Variants in SLC12A7 observed in about 807,000 individuals in gnomAD.
SLC12A7 encodes the protein K-Cl cotransporter 4.
In SLC12A7, 100 loss-of-function variants were observed where a neutral mutation model predicts 120.6. That is an observed-to-expected ratio of 0.83 (90% CI 0.71 to 0.98). The LOEUF is 0.98. Ranked by LOEUF, SLC12A7 falls within the 50% of genes least tolerant of loss-of-function variation. The probability of loss-of-function intolerance (pLI) is 0.00; values close to 1 mark genes in which losing one functional copy is unlikely to be tolerated. For synonymous variants in SLC12A7, 760 were observed against 678.0 expected (o/e 1.12, Z -1.88); for missense variants, 1,373 against 1,548.1 (o/e 0.89, Z 1.90).
rs777593952 is a variant in SLC12A7, at chr5:1,057,622, C to T, written c.2875G>A (p.Ala959Thr). 6.9e-6 allele frequency: 11 copies of T among 1,603,204 alleles called. No homozygotes were observed. Among genetic ancestry groups the T allele is most frequent in the East Asian group, 4.5e-5 (2 of 44,854 alleles). The change falls in exon 22 of 24, where the codon GCG becomes ACG. Residue 959 changes from alanine (A) to threonine (T), a missense_variant. By Grantham distance (58) the Ala-to-Thr change is moderately conservative. Transcript: ENST00000264930. ...CTGGCTGCCGCCGCGGTGTGGGACG[C>T]GGTGTTCCTGTCGTGGATCAGCTGG... ...EAQLIHDRNT[A>T]SHTAAAARTQ...
chr5:1,059,918 G>A (rs576277355), intron 21 of SLC12A7, among the ~76,000 whole-genome samples: 35 of 152,346 alleles, frequency 2.3e-4, no homozygotes, highest in African/African-American at 7.5e-4. Flanking sequence ...GTGAGACAAA[G>A]CAGCCATCGT....
At chr5:1,087,608 G>C (rs1446488419) in intron 5 of SLC12A7, among the ~76,000 whole-genome samples, 1 of 152,218 alleles carries the variant, frequency 6.6e-6, no homozygotes, top group Non-Finnish European at 1.5e-5. Context: ...CCCTGGTGAA[G>C]GCCCTCGTGC....
At position 1,083,776 on chromosome 5, in the gene SLC12A7, G is replaced by A. The variant is rs144259696; in HGVS notation, c.1098C>T (p.Gly366=). The A allele has an allele frequency of 1.9e-6, 3 of 1,612,698 alleles. No individual in the cohort carries two copies. The highest frequency in any genetic ancestry group is 2.5e-6 in the Non-Finnish European group (3 of 1,179,844). The change falls in exon 8 of 24, where the codon GGC becomes GGT. Residue 366 remains glycine (G), a synonymous_variant. Coordinates refer to ENST00000264930, the MANE Select transcript of SLC12A7 (RefSeq NM_006598.3). ...AGACACCACTGGCCGCGCCCGGGATGCCCTGGATTTCGGTGACGTTGTTCT... is the reference window on the plus strand; with the variant it reads ...AGACACCACTGGCCGCGCCCGGGATACCCTGGATTTCGGTGACGTTGTTCT... ...FIQNNVTEIQ[G]IPGAASGVFL... is the part of the protein sequence containing the mutation.
upstream of SLC12A7, among the ~76,000 whole-genome samples, chr5:1,115,893 G>A (rs1255399972): frequency 2.6e-5 from 4 of 152,014 alleles, no homozygotes; most frequent in Admixed American, 2.0e-4. Flanking sequence ...AGGGAAGGGA[G>A]GCCCCAGTTA....
intron 18 of SLC12A7, among the ~76,000 whole-genome samples, chr5:1,064,853 A>AGATGGCGAGGG (rs1554012884): frequency 6.7e-5 from 3 of 44,652 alleles, no homozygotes; most frequent in East Asian, 7.1e-4. Flanking sequence ...GACGGCGAGG[A>AGATGGCGAGGG]GACGGCGAGG....
At chr5:1,099,978 A>G (rs1741850708) in intron 1 of SLC12A7, among the ~76,000 whole-genome samples, 1 of 152,170 alleles carries the variant, frequency 6.6e-6, no homozygotes, top group Non-Finnish European at 1.5e-5. Context: ...TCACTGAAAA[A>G]AGCGACTCAT....
chr5:1,122,212 G>T, the SLC12A7 span, among the ~76,000 whole-genome samples: 2,733 of 152,288 alleles, frequency 0.018, 39 homozygotes, highest in Middle Eastern at 0.11. Context: ...TTGCGCATGG[G>T]CCTCCCTAGA....
At chr5:1,084,779 G>A (rs1739629519) in intron 7 of SLC12A7, among the ~76,000 whole-genome samples, 2 of 152,120 alleles carry the variant, frequency 1.3e-5, no homozygotes, top group Non-Finnish European at 2.9e-5. Flanking sequence ...CTCCCTGCGG[G>A]CTCTGGTGGC....
At chr5:1,075,657 G>A (rs1488586501) in intron 14 of SLC12A7, among the ~76,000 whole-genome samples, 167 bp from the exon 15 acceptor site, 1 of 152,218 alleles carries the variant, frequency 6.6e-6, no homozygotes, top group Non-Finnish European at 1.5e-5. Flanking sequence ...CCTCTGAGGG[G>A]TGACGTGGCT....
rs1435165143 is a variant in SLC12A7, at chr5:1,094,150, T to C, written c.219+4A>G. On this transcript the variant is annotated splice_donor_region_variant and intron_variant, in intron 2 of 23. Transcript: ENST00000264930. ...CACCTTCTTCTTCTAAAAAGTAAAG[T>C]TACCTCGAAAAGTGCCATGTTCTTC... is the stretch of plus-strand genomic sequence containing the variant. The C allele has an allele frequency of 4.3e-6, 7 of 1,609,900 alleles. No homozygotes were observed. Among genetic ancestry groups the C allele is most frequent in the Middle Eastern group, 1.6e-4 (1 of 6,074 alleles).
Position 1,051,226 on chromosome 5 carries a change from G to T in SLC12A7, c.*1134C>A. The T allele has an allele frequency of 3.2e-6, 1 of 309,126 alleles. No homozygotes were observed. Among genetic ancestry groups the T allele is most frequent in the Non-Finnish European group, 5.9e-6 (1 of 169,864 alleles). 19.1% of individuals were successfully genotyped at this position (309,126 alleles called of 1,614,324 possible). On this transcript the variant is annotated 3_prime_UTR_variant, in exon 24 of 24. Transcript: ENST00000264930. Reference sequence around the variant, plus strand: ...CGCCTCCATGCAAGGCACAGGCCATGGCAGGGGACGCCCGGGACTCAGCCA... The same window carrying T: ...CGCCTCCATGCAAGGCACAGGCCATTGCAGGGGACGCCCGGGACTCAGCCA...
At chr5:1,137,853 C>T in the SLC12A7 span, among the ~76,000 whole-genome samples, 1 of 152,234 alleles carries the variant, frequency 6.6e-6, no homozygotes, top group Non-Finnish European at 1.5e-5. Flanking sequence ...CTCCCCGGGG[C>T]CTGGCGCACT....
At chr5:1,128,238 G>A in the SLC12A7 span, among the ~76,000 whole-genome samples, 1 of 152,212 alleles carries the variant, frequency 6.6e-6, no homozygotes, top group East Asian at 1.9e-4. Context: ...GCTCCTGTGG[G>A]ACCAGGGTTG....
At chr5:1,094,022 G>A in intron 2 of SLC12A7, 132 bp downstream of exon 2, 1 of 685,992 alleles carries the variant, frequency 1.5e-6, no homozygotes, top group Non-Finnish European at 2.5e-6. Context: ...TCAGGACAGG[G>A]AGGCCCCAGT....
the SLC12A7 span, among the ~76,000 whole-genome samples, chr5:1,140,529 C>A: frequency 1.3e-5 from 2 of 152,172 alleles, no homozygotes; most frequent in Admixed American, 6.5e-5. Flanking sequence ...TTCCCCTCCC[C>A]ACAGCTGTCC....
chr5:1,076,265 G>GC (rs1561061290), intron 13 of SLC12A7, 29 bp from the exon 14 acceptor site: 1 of 1,561,710 alleles, frequency 6.4e-7, no homozygotes, highest in East Asian at 2.3e-5. Context: ...ACTGATACGG[G>GC]CCCACTGGGC....
In SLC12A7 at chr5:1,065,305, G is replaced by A; in HGVS notation, c.2415C>T (p.Pro805=). Reference sequence around the variant, plus strand: ...TACCCACAAAGTTCTTCCAGGAGAAGGGGTTGTCCTCCTGCTTCCAGGATG... The same window carrying A: ...TACCCACAAAGTTCTTCCAGGAGAAAGGGTTGTCCTCCTGCTTCCAGGATG... ...WPASWKQEDN[P]FSWKNFVDTV... The change falls in exon 18 of 24, where the codon CCC becomes CCT. Residue 805 remains proline, a synonymous_variant. Coordinates refer to ENST00000264930, the MANE Select transcript of SLC12A7 (RefSeq NM_006598.3). 1.3e-6 allele frequency: 2 copies of A among 1,573,560 alleles called. No individual in the cohort carries two copies. The highest frequency in any genetic ancestry group is 1.7e-6 in the Non-Finnish European group (2 of 1,157,312).
At chr5:1,122,105 G>A in the SLC12A7 span, among the ~76,000 whole-genome samples, 2 of 152,302 alleles carry the variant, frequency 1.3e-5, no homozygotes, top group African/African-American at 4.8e-5. Context: ...ATTCCAGAGA[G>A]CCAGACCCTC....
intron 22 of SLC12A7, among the ~76,000 whole-genome samples, chr5:1,055,138 A>G (rs1735472206): frequency 6.6e-6 from 1 of 152,080 alleles, no homozygotes; most frequent in Non-Finnish European, 1.5e-5. Context: ...GTGTATACGC[A>G]CACACACATA....
Sources: gnomAD v4.1 joint callset for allele counts (sites outside exome capture counted in the v4.1 genomes callset) on GRCh38, gnomAD v4.1.1 for gene constraint, MANE v1.5 for transcripts, NCBI Gene and HGNC (gene_info 2026-07-23, HGNC 2026-07-21) for gene names.